The following KIAA1586 variants were observed in gnomAD, a reference collection of about 807,000 sequenced individuals.
KIAA1586 encodes the protein KIAA1586, also known as E3 SUMO-protein ligase KIAA1586.
KIAA1586 carries 5 observed loss-of-function variants against 6.1 expected under a neutral mutation model. That is an observed-to-expected ratio of 0.82 (90% CI 0.43 to 1.73). The LOEUF (loss-of-function observed/expected upper bound fraction) is 1.73, where lower values mean the gene tolerates loss of function less well. Ranked by LOEUF, KIAA1586 falls within the 40% of genes most tolerant of loss-of-function variation. KIAA1586 has a pLI of 0.02. For synonymous variants in KIAA1586, 280 were observed against 301.7 expected (o/e 0.93, Z 0.75); for missense variants, 899 against 878.2 (o/e 1.02, Z -0.30).
At position 57,053,461 on chromosome 6, in the gene KIAA1586, C is replaced by T; in HGVS notation, c.962C>T (p.Ala321Val). The T allele has an allele frequency of 6.2e-7, 1 of 1,612,396 alleles. No homozygotes were observed. The highest frequency in any genetic ancestry group is 1.7e-4 in the Middle Eastern group (1 of 6,052). ...NAKICIIIDE[A>V]STVSKKTTLV... ...AAAATCTGTATCATAATTGATGAGG[C>T]ATCTACAGTTTCAAAGAAAACCACC... The change falls in exon 4 of 4, where the codon GCA (alanine) becomes GTA (valine). Residue 321 changes from alanine to valine, a missense_variant. Transcript: ENST00000370733.
intron 1 of KIAA1586, chr6:57,047,054 C>T (rs1828215868): frequency 2.2e-5 from 9 of 408,642 alleles, no homozygotes; most frequent in Non-Finnish European, 3.7e-5. Flanking sequence ...CGGTGTTGAG[C>T]TTGCGTTCCT....
At chr6:57,055,714 A>T (rs1828487998), downstream of KIAA1586, among the ~76,000 whole-genome samples, 2 of 152,170 alleles carry the variant, frequency 1.3e-5, 1 homozygote. Context: ...AAATTTTTAA[A>T]TTTAAAATGA....
chr6:57,053,459 G>A lies in KIAA1586; in HGVS notation c.960G>A (p.Glu320=), dbSNP rs1828398096. 2 of 1,612,556 alleles carry A rather than the reference G, an allele frequency of 1.2e-6. No homozygotes were observed. The highest frequency in any genetic ancestry group is 1.1e-5 in the South Asian group (1 of 90,986). The change falls in exon 4 of 4, where the codon GAG becomes GAA. Residue 320 remains glutamate, a synonymous_variant. Transcript: ENST00000370733. ...ENAKICIIID[E]ASTVSKKTTL... The stretch of plus-strand genomic sequence containing the variant: ...CCAAAATCTGTATCATAATTGATGA[G>A]GCATCTACAGTTTCAAAGAAAACCA...
chr6:57,054,361 A>G lies in KIAA1586; in HGVS notation c.1862A>G (p.Asp621Gly). ...CACATGAACCTACGCCTTTTATCTG[A>G]CAGAAACCATGAAGATATTTTTAAT... The part of the protein sequence containing the change: ...IQHMNLRLLS[D>G]RNHEDIFNYF... The change falls in exon 4 of 4, where the codon GAC becomes GGC. Residue 621 changes from aspartate (D) to glycine (G), a missense_variant. Asp to Gly is a moderately conservative substitution (Grantham distance 94). Coordinates refer to ENST00000370733, the MANE Select transcript of KIAA1586 (RefSeq NM_020931.4). 1 of 1,606,670 alleles carries G rather than the reference A, an allele frequency of 6.2e-7. No homozygotes were observed. The highest frequency in any genetic ancestry group is 8.5e-7 in the Non-Finnish European group (1 of 1,177,708).
the KIAA1586 span, among the ~76,000 whole-genome samples, chr6:57,060,480 G>C: frequency 1.3e-5 from 2 of 152,188 alleles, no homozygotes; most frequent in Admixed American, 6.5e-5. Context: ...AAGGGAGAAA[G>C]AATTGGGAAT....
rs770148876 is a variant in KIAA1586 at position 57,053,167 on chromosome 6, T to TA, written c.671dup (p.Glu225GlyfsTer4). The TA allele has an allele frequency of 1.2e-6, 2 of 1,609,584 alleles. 1 individual carries two copies. Among genetic ancestry groups the TA allele is most frequent in the South Asian group, 2.2e-5 (2 of 90,314 alleles). ...GCCCATGGTAAAATTCAGGATTTGT[T>TA]AAAGGAATCAACTAATGATTCAATT... is the stretch of plus-strand genomic sequence containing the variant. On this transcript the variant is annotated frameshift_variant, in exon 4 of 4. Coordinates refer to ENST00000370733, the MANE Select transcript of KIAA1586 (RefSeq NM_020931.4). LOFTEE classifies it low-confidence loss of function (END_TRUNC).
rs1828370354 is a variant in KIAA1586, at chr6:57,052,896, C to T, written c.397C>T (p.Leu133Phe). The change falls in exon 4 of 4, where the codon CTT (leucine) becomes TTT (phenylalanine). Residue 133 changes from leucine (L) to phenylalanine (F), a missense_variant. Coordinates refer to ENST00000370733, the MANE Select transcript of KIAA1586 (RefSeq NM_020931.4). ...AAAGAAAGAAATAGATAATCTTGTG[C>T]TTCCAGATTGTTGGAATGAAAAACA... ...SSKKEIDNLV[L>F]PDCWNEKQAF... 6.2e-7 allele frequency: 1 copy of T among 1,612,362 alleles called. No individual in the cohort carries two copies. Among genetic ancestry groups the T allele is most frequent in the African/African-American group, 1.3e-5 (1 of 74,766 alleles).
chr6:57,051,089 G>A (rs1339719799), intron 3 of KIAA1586, among the ~76,000 whole-genome samples: 3 of 151,298 alleles, frequency 2.0e-5, no homozygotes, highest in East Asian at 1.9e-4. Flanking sequence ...AAAATTAGCC[G>A]GGCTTGGTGG....
chr6:57,064,499 A>G, the KIAA1586 span, among the ~76,000 whole-genome samples: 1 of 152,052 alleles, frequency 6.6e-6, no homozygotes, highest in Admixed American at 6.6e-5. Context: ...CAATGACAAC[A>G]TTTTTCTTGT....
At chr6:57,059,548 G>A (rs919583560), downstream of KIAA1586, among the ~76,000 whole-genome samples, 3 of 148,330 alleles carry the variant, frequency 2.0e-5, no homozygotes, top group South Asian at 6.4e-4. Flanking sequence ...CCGAGATCGT[G>A]CCACTGCACT....
the KIAA1586 span, among the ~76,000 whole-genome samples, chr6:57,064,832 G>C: frequency 4.0e-3 from 614 of 152,272 alleles, 6 homozygotes; most frequent in African/African-American, 0.014. Flanking sequence ...AAGAGCTTCT[G>C]TCACCAGCCC....
chr6:57,054,619 C>G lies in KIAA1586; in HGVS notation c.2120C>G (p.Ala707Gly). Residue 707 changes from alanine to glycine, a missense_variant, in exon 4 of 4, where the codon GCT becomes GGT. By Grantham distance (60) the Ala-to-Gly change is moderately conservative. Coordinates refer to ENST00000370733, the MANE Select transcript of KIAA1586 (RefSeq NM_020931.4). ...ACCATTGCAATCAATAGTGCTGAAG[C>G]TGAAAGGGGTTTCAATTTAATGAAC... ...VSTIAINSAE[A>G]ERGFNLMNII... is the part of the protein sequence containing the mutation. 1.3e-6 allele frequency: 2 copies of G among 1,597,350 alleles called. No homozygotes were observed. Among genetic ancestry groups the G allele is most frequent in the Non-Finnish European group, 1.7e-6 (2 of 1,169,666 alleles).
At chr6:57,057,869 T>G (rs1341409140), downstream of KIAA1586, among the ~76,000 whole-genome samples, 1 of 152,176 alleles carries the variant, frequency 6.6e-6, no homozygotes, top group African/African-American at 2.4e-5. Flanking sequence ...GATCATGGCT[T>G]ACTGCAACCT....
downstream of KIAA1586, among the ~76,000 whole-genome samples, chr6:57,058,516 AGGG>A (rs1284433826): frequency 6.6e-6 from 1 of 152,212 alleles, no homozygotes; most frequent in African/African-American, 2.4e-5. Flanking sequence ...TTCCAATAAC[AGGG>A]ATGCTAGCCA....
intron 2 of KIAA1586, among the ~76,000 whole-genome samples, chr6:57,048,811 A>G (rs1828249359): frequency 6.6e-6 from 1 of 152,208 alleles, no homozygotes; most frequent in Non-Finnish European, 1.5e-5. Context: ...TAGAAGTGAC[A>G]TACGTCTGAT....
Position 57,053,854 on chromosome 6 carries a change from A to G in KIAA1586, c.1355A>G (p.His452Arg), listed in dbSNP as rs746198462. ...ATTGATAAAATTTATTCTATTTATC[A>G]TCAACCTAATAAAAATCAAACCAAG... Reference protein sequence around the residue: ...IFIDKIYSIYHQPNKNQTKLL... With the variant: ...IFIDKIYSIYRQPNKNQTKLL... The change falls in exon 4 of 4, where the codon CAT (histidine) becomes CGT (arginine). Residue 452 changes from histidine (H) to arginine (R), a missense_variant. Physicochemically the swap from His to Arg is conservative, Grantham distance 29. Transcript: ENST00000370733. 20 of 1,541,190 alleles carry G rather than the reference A, an allele frequency of 1.3e-5. No individual in the cohort carries two copies. Among genetic ancestry groups the G allele is most frequent in the Non-Finnish European group, 1.8e-5 (20 of 1,139,524 alleles).
chr6:57,060,583 G>A, the KIAA1586 span, among the ~76,000 whole-genome samples: 1 of 152,160 alleles, frequency 6.6e-6, no homozygotes, highest in Non-Finnish European at 1.5e-5. Context: ...GATAGTTTAA[G>A]GTTATAATGA....
chr6:57,053,603 T>G lies in KIAA1586; in HGVS notation c.1104T>G (p.Thr368=). The G allele has an allele frequency of 6.2e-7, 1 of 1,609,224 alleles. No individual in the cohort carries two copies. Among genetic ancestry groups the G allele is most frequent in the Non-Finnish European group, 8.5e-7 (1 of 1,176,464 alleles). ...IAECIVNTLL[T]TLNDCGFTNE... ...AGTGTATTGTCAATACATTATTGAC[T>G]ACTTTAAATGATTGTGGTTTTACAA... Residue 368 remains threonine (T), a synonymous_variant, in exon 4 of 4, where the codon ACT becomes ACG. Coordinates refer to ENST00000370733, the MANE Select transcript of KIAA1586 (RefSeq NM_020931.4).
chr6:57,049,632 G>A (rs1593047181), intron 2 of KIAA1586, among the ~76,000 whole-genome samples: 1 of 152,178 alleles, frequency 6.6e-6, no homozygotes, highest in East Asian at 1.9e-4. Flanking sequence ...TACAGGGAAG[G>A]TTACTTCCTC....
Sources: gnomAD v4.1 joint callset for allele counts (sites outside exome capture counted in the v4.1 genomes callset) on GRCh38, gnomAD v4.1.1 for gene constraint, MANE v1.5 for transcripts, NCBI Gene and HGNC (gene_info 2026-07-23, HGNC 2026-07-21) for gene names.